The following PLCH2 variants were observed in gnomAD, a reference collection of about 807,000 sequenced individuals.
The protein encoded by PLCH2 is 1-phosphatidylinositol 4,5-bisphosphate phosphodiesterase eta-2.
A neutral mutation model predicts 134.7 loss-of-function variants in PLCH2; 98 were observed. The observed-to-expected ratio is 0.73, with a 90% confidence interval of 0.62 to 0.86. The LOEUF is 0.86. PLCH2 is among the 40% of genes least tolerant of loss of function. The pLI, the probability that PLCH2 is intolerant of heterozygous loss-of-function variation, is 0.00. For missense variants in PLCH2, 1,994 were observed against 1,986.6 expected, an observed-to-expected ratio of 1.00 and a Z score of -0.07; for synonymous variants, 974 against 827.5, an observed-to-expected ratio of 1.18 and a Z score of -3.04.
Position 2,504,668 on chromosome 1 carries a change from C to T in PLCH2, c.3706C>T (p.Pro1236Ser), listed in dbSNP as rs746273234. ...GATGGCTGGCCTCCCCTTCCGGCCT[C>T]CCTGGGGCTGCCTTTCCCTGGTGGG... ...PRMAGLPFRP[P>S]WGCLSLVGVQ... The change falls in exon 22 of 22, where the codon CCC becomes TCC. Residue 1236 changes from proline (P) to serine (S), a missense_variant. Physicochemically the swap from Pro to Ser is moderately conservative, Grantham distance 74. Coordinates refer to ENST00000378486, the MANE Select transcript of PLCH2 (RefSeq NM_014638.4). 13 of 1,612,640 alleles carry T rather than the reference C, an allele frequency of 8.1e-6. No homozygotes were observed. The highest frequency in any genetic ancestry group is 1.6e-4 in the Middle Eastern group (1 of 6,062).
At chr1:2,495,141 CCT>C (rs1189844557) in intron 12 of PLCH2, among the ~76,000 whole-genome samples, 193 bp downstream of exon 12, 2 of 152,196 alleles carry the variant, frequency 1.3e-5, no homozygotes, top group Non-Finnish European at 2.9e-5. Flanking sequence ...CACAGGATCC[CCT>C]CTGAGTCAGG....
At chr1:2,463,966 C>T (rs1640941734), upstream of PLCH2, among the ~76,000 whole-genome samples, 1 of 152,250 alleles carries the variant, frequency 6.6e-6, no homozygotes, top group Non-Finnish European at 1.5e-5. Context: ...GAGCACTGCC[C>T]TTCCCGGCTC....
chr1:2,471,117 G>T (rs929502014), intron 1 of PLCH2, among the ~76,000 whole-genome samples: 2 of 152,188 alleles, frequency 1.3e-5, no homozygotes, highest in Non-Finnish European at 2.9e-5. Context: ...TGATGGGGCT[G>T]TCAAGTGCGA....
intron 2 of PLCH2, among the ~76,000 whole-genome samples, chr1:2,452,299 C>T (rs1439923484): frequency 1.3e-5 from 2 of 152,212 alleles, no homozygotes; most frequent in Admixed American, 6.5e-5. Context: ...CGCCCCCCAT[C>T]CCCCGGCCCT....
At chr1:2,472,763 C>T (rs577306256), upstream of PLCH2, among the ~76,000 whole-genome samples, 5 of 152,258 alleles carry the variant, frequency 3.3e-5, no homozygotes, top group South Asian at 8.3e-4. Flanking sequence ...GCAGCCAGGG[C>T]CACCTCTGGA....
chr1:2,440,784 C>T (rs755676994), intron 2 of PLCH2, among the ~76,000 whole-genome samples: 9 of 152,372 alleles, frequency 5.9e-5, no homozygotes, highest in East Asian at 3.9e-4. Context: ...TTCCAATTTG[C>T]GTTTCGGTTT....
In PLCH2 at chr1:2,498,842, G is replaced by A. The variant is rs560576397; in HGVS notation, c.2434+14G>A. 30 of 1,591,994 alleles carry A rather than the reference G, an allele frequency of 1.9e-5. No homozygotes were observed. The highest frequency in any genetic ancestry group is 1.3e-4 in the East Asian group (6 of 44,488). Reference sequence around the variant, plus strand: ...TGGACGACAACGGTGAGGCTGGGCCGTGGCTCCGTCACACCTGTGATGGAA... The same window carrying A: ...TGGACGACAACGGTGAGGCTGGGCCATGGCTCCGTCACACCTGTGATGGAA... On this transcript the variant is annotated intron_variant, in intron 18 of 21. Transcript: ENST00000378486. The surrounding 1 kb of genome is among the most constrained non-coding windows in gnomAD (Gnocchi z 5.4).
chr1:2,472,200 CG>C (rs887367964), upstream of PLCH2, among the ~76,000 whole-genome samples: 18 of 152,188 alleles, frequency 1.2e-4, no homozygotes, highest in African/African-American at 4.1e-4. Flanking sequence ...CCCAGACGTG[CG>C]GGGGGACAAG....
Position 2,480,213 on chromosome 1 carries a change from C to T in PLCH2, c.546C>T (p.Asp182=). 6.2e-7 allele frequency: 1 copy of T among 1,612,888 alleles called. No individual in the cohort carries two copies. The highest frequency in any genetic ancestry group is 8.5e-7 in the Non-Finnish European group (1 of 1,179,848). Residue 182 remains aspartate, a synonymous_variant, in exon 4 of 22, where the codon GAC becomes GAT. Transcript: ENST00000378486. ...TGAAGCAGACGTTTGACGAGGCCGA[C>T]AAGAACGGGGATGGCAGCCTGAGCA... ...QWLKQTFDEA[D]KNGDGSLSIG...
At chr1:2,425,711 A>G (rs1638761699), upstream of PLCH2, among the ~76,000 whole-genome samples, 1 of 146,830 alleles carries the variant, frequency 6.8e-6, no homozygotes, top group Non-Finnish European at 1.5e-5. Flanking sequence ...TTTTGTAGAG[A>G]TGGAGTTTCA....
chr1:2,421,156 G>C (rs1037663188), upstream of PLCH2, among the ~76,000 whole-genome samples: 3 of 152,144 alleles, frequency 2.0e-5, no homozygotes, highest in African/African-American at 7.2e-5. Context: ...CGTTGGCCAG[G>C]CTGGTCTCGA....
In PLCH2 at chr1:2,505,297, G is replaced by A; in HGVS notation, c.*84G>A. 1.8e-6 allele frequency: 2 copies of A among 1,120,696 alleles called. No individual in the cohort carries two copies. The highest frequency in any genetic ancestry group is 3.0e-5 in the South Asian group (2 of 66,662). 69.4% of individuals were successfully genotyped at this position (1,120,696 alleles called of 1,614,324 possible). ...TTTGCTCAGGAAACAGGGCAGCCAG[G>A]CCCCCAAAACTGTGTCCCCCTGGCT... On this transcript the variant is annotated 3_prime_UTR_variant, in exon 22 of 22. Transcript: ENST00000378486.
At chr1:2,420,320 A>G in the PLCH2 span, among the ~76,000 whole-genome samples, 2 of 152,136 alleles carry the variant, frequency 1.3e-5, no homozygotes, top group South Asian at 4.1e-4. Context: ...CTGTGATTTC[A>G]GGACAAAGCT....
At chr1:2,475,035 C>T (rs577611479), upstream of PLCH2, among the ~76,000 whole-genome samples, 5 of 152,198 alleles carry the variant, frequency 3.3e-5, no homozygotes, top group Non-Finnish European at 7.4e-5. Context: ...CTGCTTCCGC[C>T]GAGAGCAGCA....
At chr1:2,427,852 C>T (rs1017708165) in intron 1 of PLCH2, among the ~76,000 whole-genome samples, 18 of 152,210 alleles carry the variant, frequency 1.2e-4, no homozygotes, top group East Asian at 5.8e-4. Context: ...GGCTTGGACT[C>T]GCTGGCCCTG....
intron 5 of PLCH2, among the ~76,000 whole-genome samples, chr1:2,486,576 T>G (rs895588576): frequency 6.6e-6 from 1 of 152,136 alleles, no homozygotes; most frequent in African/African-American, 2.4e-5. Context: ...CAAGGGGGCA[T>G]GAAGATTCTT....
In PLCH2 at chr1:2,504,125, A is replaced by G; in HGVS notation, c.3163A>G (p.Arg1055Gly). 6.6e-7 allele frequency: 1 copy of G among 1,517,952 alleles called. No homozygotes were observed. Among genetic ancestry groups the G allele is most frequent in the Non-Finnish European group, 8.8e-7 (1 of 1,133,856 alleles). 94.0% of individuals were successfully genotyped at this position (1,517,952 alleles called of 1,614,324 possible). ...GGACACTGAGGAGCCCCGAGACAGC[A>G]GGCCTCGGCCGTGCAACGGCGAGGG... ...LEDTEEPRDS[R>G]PRPCNGEGAG... The change falls in exon 22 of 22, where the codon AGG (arginine) becomes GGG (glycine). Residue 1055 changes from arginine to glycine, a missense_variant. By Grantham distance (125) the Arg-to-Gly change is moderately radical. Around this residue, in one of 2 missense-constraint regions of PLCH2, gnomAD observed 900 missense variants for 752.3 expected, o/e 1.20. Coordinates refer to ENST00000378486, the MANE Select transcript of PLCH2 (RefSeq NM_014638.4).
At chr1:2,441,650 G>T (rs6659405) in intron 2 of PLCH2, among the ~76,000 whole-genome samples, 44,661 of 151,956 alleles carry the variant, frequency 0.29, 7,138 homozygotes, top group East Asian at 0.51. Flanking sequence ...GGTCCCTGGT[G>T]TAGGGGTAAG....
rs973245795 is a variant in PLCH2 at position 2,430,868 on chromosome 1, C to T, written c.115+239C>T. On this transcript the variant is annotated intron_variant, in intron 2 of 3. Coordinates refer to the PLCH2 transcript ENST00000609981. ...CAAGAGCTCTCAGTGTGTGTCCCTTCGTGTGGGCAGAGAGGGGGTGGGTTC... is the reference window on the plus strand; with the variant it reads ...CAAGAGCTCTCAGTGTGTGTCCCTTTGTGTGGGCAGAGAGGGGGTGGGTTC... Among the ~76,000 whole-genome samples, 6 of 152,314 alleles carry T rather than the reference C, an allele frequency of 3.9e-5. No homozygotes were observed. The East Asian group carries it at 5.8e-4, about 15-fold the overall frequency.
Sources: gnomAD v4.1 joint callset for allele counts (sites outside exome capture counted in the v4.1 genomes callset) on GRCh38, gnomAD v4.1.1 for gene constraint, gnomAD v4.1.1 regional missense constraint, Gnocchi (gnomAD v3.1) non-coding constraint, MANE v1.5 for transcripts, NCBI Gene and HGNC (gene_info 2026-07-23, HGNC 2026-07-21) for gene names.